SLC36A1: variants seen among roughly 807,000 people sequenced by gnomAD.
SLC36A1 encodes proton-coupled amino acid transporter 1.
Under a neutral mutation model 47.5 loss-of-function variants are expected in SLC36A1, and 30 were observed. The observed-to-expected ratio is 0.63, with a 90% confidence interval of 0.47 to 0.86. SLC36A1 has a LOEUF of 0.86. Among genes scored for constraint, SLC36A1 ranks in the 40% least tolerant of loss-of-function variants. The pLI, the probability that SLC36A1 is intolerant of heterozygous loss-of-function variation, is 0.00. For synonymous variants in SLC36A1, 255 were observed against 249.7 expected, an observed-to-expected ratio of 1.02 and a Z score of -0.20; for missense variants, 517 against 606.0, an observed-to-expected ratio of 0.85 and a Z score of 1.54.
chr5:151,488,354 A>AC lies in SLC36A1; in HGVS notation c.*100_*101insC. On this transcript the variant is annotated 3_prime_UTR_variant, in exon 11 of 11. Coordinates refer to ENST00000243389, the MANE Select transcript of SLC36A1 (RefSeq NM_078483.4). ...TATGGTCCAGGCTCTGAGGAAAGTC[A>AC]GGGTTGCTGTGTGGGAACCCCTCTG... 2 of 1,458,994 alleles carry AC rather than the reference A, an allele frequency of 1.4e-6. No individual in the cohort carries two copies. Among genetic ancestry groups the AC allele is most frequent in the Non-Finnish European group, 1.8e-6 (2 of 1,084,326 alleles). 90.4% of individuals were successfully genotyped at this position (1,458,994 alleles called of 1,614,324 possible).
chr5:151,535,511 C>G, the SLC36A1 span, among the ~76,000 whole-genome samples: 1 of 152,098 alleles, frequency 6.6e-6, no homozygotes, highest in East Asian at 1.9e-4. Flanking sequence ...GTGGTGCGCC[C>G]AGGGAGGACA....
the SLC36A1 span, among the ~76,000 whole-genome samples, chr5:151,499,942 C>T: frequency 6.6e-5 from 10 of 152,126 alleles, no homozygotes; most frequent in Non-Finnish European, 1.3e-4. Flanking sequence ...GCTCCTCTAG[C>T]GATGCTCAAA....
chr5:151,458,581 G>A (rs1342319034), intron 1 of SLC36A1, among the ~76,000 whole-genome samples: 1 of 152,086 alleles, frequency 6.6e-6, no homozygotes, highest in East Asian at 1.9e-4. Flanking sequence ...AAGGATGGGA[G>A]TCAGAAGTCA....
At chr5:151,510,477 T>C in the SLC36A1 span, 1 of 237,078 alleles carries the variant, frequency 4.2e-6, no homozygotes, top group Non-Finnish European at 8.5e-6. Context: ...TCTTCCTGTG[T>C]TGGCTCATTT....
the SLC36A1 span, chr5:151,382,155 T>C: frequency 3.1e-5 from 30 of 961,130 alleles, no homozygotes; most frequent in South Asian, 4.0e-4. Flanking sequence ...AGACTCTGAA[T>C]TGAAGGCTTT....
In SLC36A1 at chr5:151,474,178, A is replaced by AAAAAGAG. The variant is rs776318482; in HGVS notation, c.822+408_822+409insAAAGAGA. On this transcript the variant is annotated intron_variant, in intron 8 of 10. Coordinates refer to ENST00000243389, the MANE Select transcript of SLC36A1 (RefSeq NM_078483.4). ...CTGTCTCAAAAAAAAAAAAAAAAAA[A>AAAAAGAG]AGAAATTATCTTCTGTAACTCACTG... Among the ~76,000 whole-genome samples, 12 of 119,000 alleles carry AAAAAGAG rather than the reference A, an allele frequency of 1.0e-4. No homozygotes were observed. In the South Asian group the frequency reaches 1.1e-3, roughly 11 times the overall value. The allele number at this position is 119,000 out of a possible 152,430, so 78.1% of individuals were successfully genotyped here.
At chr5:151,348,415 GCTTTT>G in the SLC36A1 span, among the ~76,000 whole-genome samples, 1 of 152,102 alleles carries the variant, frequency 6.6e-6, no homozygotes, top group Non-Finnish European at 1.5e-5. Context: ...CAAAATTACA[GCTTTT>G]GACTCAAGCC....
At chr5:151,390,147 T>TC in the SLC36A1 span, among the ~76,000 whole-genome samples, 1 of 152,234 alleles carries the variant, frequency 6.6e-6, no homozygotes, top group Non-Finnish European at 1.5e-5. Flanking sequence ...GATTTGCATT[T>TC]CTCTGATGGC....
At chr5:151,374,393 C>T in the SLC36A1 span, among the ~76,000 whole-genome samples, 3 of 152,014 alleles carry the variant, frequency 2.0e-5, no homozygotes, top group Non-Finnish European at 4.4e-5. Context: ...TCTTGGGGTT[C>T]GAACCGATAC....
chr5:151,527,007 T>C, the SLC36A1 span, among the ~76,000 whole-genome samples: 2 of 152,258 alleles, frequency 1.3e-5, no homozygotes, highest in Non-Finnish European at 2.9e-5. Context: ...CTACTTCATA[T>C]GGCTGTTATG....
chr5:151,464,538 A>C lies in SLC36A1; in HGVS notation c.259A>C (p.Ile87Leu). 6.2e-7 allele frequency: 1 copy of C among 1,614,072 alleles called. No homozygotes were observed. Among genetic ancestry groups the C allele is most frequent in the African/African-American group, 1.3e-5 (1 of 75,038 alleles). The change falls in exon 4 of 11, where the codon ATA becomes CTA. Residue 87 changes from isoleucine to leucine, a missense_variant. Coordinates refer to ENST00000243389, the MANE Select transcript of SLC36A1 (RefSeq NM_078483.4). Reference sequence around the variant, plus strand: ...GATGGGTCCCATCAGCCTGCTGATCATAGGCATCGTGGCCGTGCACTGCAT... The same window carrying C: ...GATGGGTCCCATCAGCCTGCTGATCCTAGGCATCGTGGCCGTGCACTGCAT... ...IVMGPISLLIIGIVAVHCMGI... is the reference protein window; with the variant it reads ...IVMGPISLLILGIVAVHCMGI...
At chr5:151,506,623 G>A in the SLC36A1 span, among the ~76,000 whole-genome samples, 9 of 152,310 alleles carry the variant, frequency 5.9e-5, no homozygotes, top group East Asian at 3.9e-4. Context: ...GATGGGCCTC[G>A]GTTTCCGTAT....
At chr5:151,498,811 A>T in the SLC36A1 span, among the ~76,000 whole-genome samples, 3 of 152,204 alleles carry the variant, frequency 2.0e-5, no homozygotes, top group Admixed American at 1.3e-4. Context: ...GACCCAGCTC[A>T]GATGGCTGGG....
the SLC36A1 span, chr5:151,542,492 C>T: frequency 1.2e-6 from 2 of 1,614,068 alleles, no homozygotes; most frequent in South Asian, 2.2e-5. Flanking sequence ...TGTCCGTGGT[C>T]ATAGGCCACC....
At chr5:151,496,670 C>G (rs1362279141), downstream of SLC36A1, among the ~76,000 whole-genome samples, 1 of 152,192 alleles carries the variant, frequency 6.6e-6, no homozygotes, top group African/African-American at 2.4e-5. Context: ...ATTCTCCTGT[C>G]TCAGCCTCTC....
At chr5:151,364,158 C>T in the SLC36A1 span, among the ~76,000 whole-genome samples, 1 of 152,086 alleles carries the variant, frequency 6.6e-6, no homozygotes, top group African/African-American at 2.4e-5. Flanking sequence ...TGTTTTATGG[C>T]AACGAATGAT....
the SLC36A1 span, among the ~76,000 whole-genome samples, chr5:151,371,899 G>A: frequency 6.6e-6 from 1 of 152,028 alleles, no homozygotes; most frequent in Non-Finnish European, 1.5e-5. Flanking sequence ...GCGGGAGACA[G>A]GGAAAGGGGA....
the SLC36A1 span, among the ~76,000 whole-genome samples, chr5:151,345,131 G>A: frequency 1.3e-5 from 2 of 152,104 alleles, no homozygotes; most frequent in Admixed American, 6.5e-5. Flanking sequence ...CTCTATTAGC[G>A]GAATTACAAA....
At chr5:151,379,222 G>A in the SLC36A1 span, among the ~76,000 whole-genome samples, 1 of 152,214 alleles carries the variant, frequency 6.6e-6, no homozygotes, top group African/African-American at 2.4e-5. Context: ...GTCTCTTGCT[G>A]AGCCAGCCTA....
Sources: allele counts gnomAD v4.1 joint callset (sites outside exome capture counted in the v4.1 genomes callset), GRCh38; gene constraint gnomAD v4.1.1; transcripts MANE v1.5; gene names NCBI Gene and HGNC (gene_info 2026-07-23, HGNC 2026-07-21).